The following TASP1 variants were observed in gnomAD, a reference collection of about 807,000 sequenced individuals.
TASP1 encodes the protein taspase 1, also known as threonine aspartase 1.
A neutral mutation model predicts 56.6 loss-of-function variants in TASP1; 16 were observed. The ratio of observed to expected loss-of-function variants is 0.28; its 90% CI spans 0.19 to 0.43. The LOEUF is 0.43. Among genes scored for constraint, TASP1 ranks in the 20% least tolerant of loss-of-function variants. The pLI, the probability that TASP1 is intolerant of heterozygous loss-of-function variation, is 1.00. For synonymous variants in TASP1, 179 were observed against 184.2 expected (o/e 0.97, Z 0.23); for missense variants, 393 against 511.6 (o/e 0.77, Z 2.24).
chr20:13,143,107 A>G, the TASP1 span, among the ~76,000 whole-genome samples: 1 of 152,202 alleles, frequency 6.6e-6, no homozygotes, highest in African/African-American at 2.4e-5. Flanking sequence ...GAATGAAATT[A>G]TTCTGATAAA....
In TASP1 at chr20:13,433,841, TA is replaced by T. The variant is rs111973613; in HGVS notation, c.1096+1202del. On this transcript the variant is annotated intron_variant, in intron 12 of 13. Transcript: ENST00000337743. Reference sequence around the variant, plus strand: ...CGTGGATGACCTATAGTGTTTGTATTAAAAAAAAAAAAAAAAAAACAGAAGA... The same window carrying T: ...CGTGGATGACCTATAGTGTTTGTATTAAAAAAAAAAAAAAAAAACAGAAGA... 3.8e-3 allele frequency among the ~76,000 whole-genome samples: 439 copies of T among 116,160 alleles called. 3 individuals carry two copies. The highest frequency in any genetic ancestry group is 8.8e-3 in the Middle Eastern group (2 of 226). 76.2% of individuals were successfully genotyped at this position (116,160 alleles called of 152,430 possible). A position where few individuals can be genotyped will look rare whatever the true frequency, so the allele number is the denominator to read the frequency against.
At chr20:13,175,644 A>C in the TASP1 span, among the ~76,000 whole-genome samples, 1 of 152,210 alleles carries the variant, frequency 6.6e-6, no homozygotes, top group Non-Finnish European at 1.5e-5. Context: ...TGACCTCACG[A>C]GTTTGGCACT....
At chr20:13,305,369 T>G in the TASP1 span, among the ~76,000 whole-genome samples, 2 of 152,210 alleles carry the variant, frequency 1.3e-5, no homozygotes, top group Non-Finnish European at 2.9e-5. Flanking sequence ...GGAGTGGGAC[T>G]GCTCAAATCA....
chr20:13,525,998 A>G (rs941708498), intron 10 of TASP1, among the ~76,000 whole-genome samples: 4 of 152,220 alleles, frequency 2.6e-5, no homozygotes, highest in Non-Finnish European at 5.9e-5. Flanking sequence ...GACACAGGAT[A>G]GGCAAAAGAG....
At chr20:13,563,399 G>T (rs982523870) in intron 7 of TASP1, among the ~76,000 whole-genome samples, 1 of 151,818 alleles carries the variant, frequency 6.6e-6, no homozygotes, top group South Asian at 2.1e-4. Context: ...AAGAGGAAAC[G>T]CTTCCAAAGT....
chr20:13,384,157 C>T, the TASP1 span, among the ~76,000 whole-genome samples: 1 of 152,110 alleles, frequency 6.6e-6, no homozygotes, highest in Non-Finnish European at 1.5e-5. Context: ...ATCATAATAG[C>T]GACAGTAAAG....
intron 11 of TASP1, among the ~76,000 whole-genome samples, chr20:13,479,651 C>G (rs998384398): frequency 1.3e-5 from 2 of 151,948 alleles, no homozygotes; most frequent in African/African-American, 4.8e-5. Context: ...CTGGCCACCA[C>G]GCCCAGCTAA....
intron 6 of TASP1, among the ~76,000 whole-genome samples, chr20:13,572,632 G>C (rs1472090946): frequency 1.5e-5 from 2 of 131,800 alleles, no homozygotes; most frequent in African/African-American, 5.7e-5. Context: ...GTTGCAGTGA[G>C]CCAAGATCGT....
chr20:13,247,517 G>GGTGTGTGTGTGTGTCTGTGTGT, the TASP1 span, among the ~76,000 whole-genome samples: 24 of 139,910 alleles, frequency 1.7e-4, no homozygotes, highest in South Asian at 2.3e-3. Flanking sequence ...CAAAGTGAGG[G>GGTGTGTGTGTGTGTCTGTGTGT]GTGTGTGTGT....
At chr20:13,533,694 AAGAGAGTGACATTTAC>A (rs1371752008) in intron 9 of TASP1, among the ~76,000 whole-genome samples, 8 of 152,166 alleles carry the variant, frequency 5.3e-5, no homozygotes, top group Non-Finnish European at 1.2e-4. Context: ...CTTGTTCCTA[AAGAGAGTGACATTTAC>A]AGAGAGAAAA....
rs183208286 is a variant in TASP1, at chr20:13,509,703, G to A, written c.874+18730C>T. 1.1e-3 allele frequency among the ~76,000 whole-genome samples: 168 copies of A among 152,236 alleles called. 3 individuals carry two copies. The highest frequency in any genetic ancestry group is 0.01 in the Middle Eastern group (3 of 294). On this transcript the variant is annotated intron_variant, in intron 10 of 13. Transcript: ENST00000337743. ...TGCAATGGTGCAATCTCGGCCAACC[G>A]CAACTTCCACCTTCCTGGGTTCAAG...
intron 8 of TASP1, among the ~76,000 whole-genome samples, chr20:13,545,048 G>T (rs1347933399): frequency 6.6e-6 from 1 of 151,994 alleles, no homozygotes. Context: ...TTTAAGTACA[G>T]CGTATCTATG....
chr20:13,470,653 G>T (rs989076470), intron 11 of TASP1, among the ~76,000 whole-genome samples: 1 of 152,146 alleles, frequency 6.6e-6, no homozygotes, highest in African/African-American at 2.4e-5. Context: ...ATACATTTGT[G>T]TACTAACTTG....
the TASP1 span, among the ~76,000 whole-genome samples, chr20:13,224,015 C>G: frequency 6.6e-6 from 1 of 152,002 alleles, no homozygotes. Context: ...GGGAAGTGGA[C>G]TGAATTCTCA....
the TASP1 span, among the ~76,000 whole-genome samples, chr20:13,213,048 T>G: frequency 6.6e-6 from 1 of 152,156 alleles, no homozygotes; most frequent in Non-Finnish European, 1.5e-5. Context: ...ATCTTAGAGG[T>G]GTCAGTTTGA....
At chr20:13,399,584 A>G (rs989149649) in intron 13 of TASP1, among the ~76,000 whole-genome samples, 20 of 152,124 alleles carry the variant, frequency 1.3e-4, no homozygotes, top group African/African-American at 4.6e-4. Flanking sequence ...AGCAAATCCC[A>G]TTGGCTCTAT....
intron 12 of TASP1, among the ~76,000 whole-genome samples, chr20:13,428,437 C>A (rs1223095054): frequency 1.3e-5 from 2 of 152,134 alleles, no homozygotes; most frequent in African/African-American, 4.8e-5. Flanking sequence ...TATACGGCAG[C>A]CTCAATAAAG....
At chr20:13,109,477 G>T in the TASP1 span, among the ~76,000 whole-genome samples, 1 of 152,268 alleles carries the variant, frequency 6.6e-6, no homozygotes, top group South Asian at 2.1e-4. Context: ...TCCTCCAGAT[G>T]GTTCTTATGA....
intron 1 of TASP1, among the ~76,000 whole-genome samples, chr20:13,634,897 G>A (rs1222682805): frequency 6.6e-6 from 1 of 151,844 alleles, no homozygotes; most frequent in African/African-American, 2.4e-5. Context: ...GCGTGGTGGC[G>A]CATGCCTGTA....
Sources: allele counts gnomAD v4.1 joint callset (sites outside exome capture counted in the v4.1 genomes callset), GRCh38; gene constraint gnomAD v4.1.1; transcripts MANE v1.5; gene names NCBI Gene and HGNC (gene_info 2026-07-23, HGNC 2026-07-21).